Variants in FHOD3 observed in about 807,000 individuals in gnomAD.
FHOD3 encodes formin homology 2 domain containing 3.
FHOD3 carries 90 observed loss-of-function variants against 173.0 expected under a neutral mutation model. That is an observed-to-expected ratio of 0.52 (90% CI 0.44 to 0.62). The LOEUF is 0.62. Among genes scored for constraint, FHOD3 ranks in the 20% least tolerant of loss-of-function variants. The probability of loss-of-function intolerance (pLI) is 0.00; values close to 1 mark genes in which losing one functional copy is unlikely to be tolerated. For missense variants in FHOD3, 1,945 were observed against 2,034.7 expected (o/e 0.96, Z 0.85); for synonymous variants, 828 against 823.0 (o/e 1.01, Z -0.10).
intron 17 of FHOD3, among the ~76,000 whole-genome samples, chr18:36,697,320 T>C (rs911813899): frequency 1.3e-5 from 2 of 152,192 alleles, no homozygotes; most frequent in African/African-American, 4.8e-5. Flanking sequence ...TTGCTCCCTC[T>C]TGTAAACGAG....
intron 17 of FHOD3, among the ~76,000 whole-genome samples, chr18:36,700,100 G>A (rs771736340): frequency 6.6e-6 from 1 of 152,076 alleles, no homozygotes; most frequent in Non-Finnish European, 1.5e-5. Flanking sequence ...TTCACTACGT[G>A]GTGGGTTTTT....
chr18:36,717,329 G>A (rs1483833920), intron 18 of FHOD3, among the ~76,000 whole-genome samples: 1 of 152,140 alleles, frequency 6.6e-6, no homozygotes, highest in Non-Finnish European at 1.5e-5. Flanking sequence ...ACCGTGATAA[G>A]GAGTGAACCT....
At chr18:36,580,547 G>C (rs1412676970) in intron 6 of FHOD3, among the ~76,000 whole-genome samples, 3 of 152,210 alleles carry the variant, frequency 2.0e-5, no homozygotes, top group Admixed American at 2.0e-4. Context: ...GGTGTGCTCT[G>C]TTCTAGGCGA....
At chr18:36,504,485 C>T (rs994281490) in intron 4 of FHOD3, among the ~76,000 whole-genome samples, 12 of 151,922 alleles carry the variant, frequency 7.9e-5, no homozygotes, top group African/African-American at 2.7e-4. Flanking sequence ...AGTAAACTAT[C>T]GCAAGGACAA....
At chr18:36,774,957 G>T (rs2043559250) in intron 28 of FHOD3, among the ~76,000 whole-genome samples, 1 of 152,174 alleles carries the variant, frequency 6.6e-6, no homozygotes, top group Non-Finnish European at 1.5e-5. Context: ...ATTTGGGAAG[G>T]CTGTGCATAT....
intron 7 of FHOD3, among the ~76,000 whole-genome samples, chr18:36,598,576 G>A (rs564660779): frequency 1.3e-5 from 2 of 151,596 alleles, no homozygotes; most frequent in South Asian, 2.1e-4. Context: ...TTTTTTAGAC[G>A]GAGTCTTGCT....
chr18:36,586,404 A>T (rs1462889796), intron 6 of FHOD3, among the ~76,000 whole-genome samples: 1 of 152,188 alleles, frequency 6.6e-6, no homozygotes, highest in African/African-American at 2.4e-5. Flanking sequence ...CATTCTGCAT[A>T]TACTATCAAG....
chr18:36,703,457 C>T (rs1330580447), intron 17 of FHOD3, among the ~76,000 whole-genome samples: 1 of 152,154 alleles, frequency 6.6e-6, no homozygotes, highest in Non-Finnish European at 1.5e-5. Context: ...CTTAACCTCT[C>T]TGAACATGTT....
At chr18:36,677,344 G>C (rs1418381030) in intron 14 of FHOD3, among the ~76,000 whole-genome samples, 6 of 152,160 alleles carry the variant, frequency 3.9e-5, no homozygotes, top group African/African-American at 7.2e-5. Context: ...GTAGAGACAG[G>C]CTTCTCCACG....
intron 8 of FHOD3, among the ~76,000 whole-genome samples, chr18:36,603,191 G>T (rs1693556505): frequency 6.6e-6 from 1 of 152,090 alleles, no homozygotes; most frequent in Non-Finnish European, 1.5e-5. Flanking sequence ...CCTAGTTTGT[G>T]GTACTTTCTT....
chr18:36,394,290 A>C (rs1339167072), intron 3 of FHOD3, among the ~76,000 whole-genome samples: 2 of 152,236 alleles, frequency 1.3e-5, no homozygotes, highest in East Asian at 3.9e-4. Context: ...CATCGTGTAG[A>C]CAGTCTTCAC....
At position 36,780,132 on chromosome 18, in the gene FHOD3, C is replaced by G. The variant is rs1359138746; in HGVS notation, c.*602C>G. On this transcript the variant is annotated 3_prime_UTR_variant, in exon 29 of 29. Transcript: ENST00000590592. ...GGCTCGCCTCTTCAGAATGGCAAAA[C>G]TCTTCTCAGTGTCCTCAGAAGCACC... 1 of 1,232,000 alleles carries G rather than the reference C, an allele frequency of 8.1e-7. No individual in the cohort carries two copies. The highest frequency in any genetic ancestry group is 3.2e-5 in the East Asian group (1 of 31,726). The allele number at this position is 1,232,000 out of a possible 1,614,324, so 76.3% of individuals were successfully genotyped here.
At chr18:36,648,346 A>G (rs951393864) in intron 10 of FHOD3, among the ~76,000 whole-genome samples, 19 of 152,218 alleles carry the variant, frequency 1.2e-4, no homozygotes, top group African/African-American at 4.3e-4. Context: ...CCAGCAGGGC[A>G]TTGAACAGGT....
chr18:36,663,691 G>C (rs1207946100), intron 14 of FHOD3, among the ~76,000 whole-genome samples: 1 of 152,230 alleles, frequency 6.6e-6, no homozygotes, highest in Non-Finnish European at 1.5e-5. Flanking sequence ...TCTCCACCAT[G>C]TTTATGGAGA....
chr18:36,545,731 G>A (rs564798755), intron 5 of FHOD3, among the ~76,000 whole-genome samples: 1 of 152,330 alleles, frequency 6.6e-6, no homozygotes, highest in Non-Finnish European at 1.5e-5. Context: ...GTGGAAAGTA[G>A]ACATTTGAAC....
At chr18:36,735,748 C>T (rs12604388) in intron 20 of FHOD3, among the ~76,000 whole-genome samples, 54,488 of 152,036 alleles carry the variant, frequency 0.36, 10,040 homozygotes, top group African/African-American at 0.45. Flanking sequence ...CTCAGGGCTT[C>T]AACTTTCAAC....
At position 36,652,637 on chromosome 18, in the gene FHOD3, C is replaced by G; in HGVS notation, c.1354C>G (p.Pro452Ala). Reference protein sequence around the residue: ...RDAAPKSSALPAVSNASSQGK... With the variant: ...RDAAPKSSALAAVSNASSQGK... Reference sequence around the variant, plus strand: ...TGCTGCTCCCAAGAGCTCTGCCCTCCCTGCTGTCTCGAATGCCAGCTCGCA... The same window carrying G: ...TGCTGCTCCCAAGAGCTCTGCCCTCGCTGCTGTCTCGAATGCCAGCTCGCA... The change falls in exon 12 of 29, where the codon CCT becomes GCT. Residue 452 changes from proline (P) to alanine (A), a missense_variant. By Grantham distance (27) the Pro-to-Ala change is conservative (BLOSUM62 -1). This residue lies in a region of FHOD3 where 1,099 missense variants were observed against 1,051.2 expected (regional missense o/e 1.05). Transcript: ENST00000590592. 1 of 1,535,472 alleles carries G rather than the reference C, an allele frequency of 6.5e-7. No individual in the cohort carries two copies. The highest frequency in any genetic ancestry group is 8.7e-7 in the Non-Finnish European group (1 of 1,146,692).
intron 1 of FHOD3, among the ~76,000 whole-genome samples, chr18:36,344,507 G>GGAA (rs886189037): frequency 1.4e-3 from 211 of 152,190 alleles, no homozygotes; most frequent in African/African-American, 5.0e-3. Flanking sequence ...TGCTCAGTCA[G>GGAA]GAAGGCATAT....
chr18:36,636,325 C>T (rs761947917), intron 10 of FHOD3, among the ~76,000 whole-genome samples: 1 of 152,134 alleles, frequency 6.6e-6, no homozygotes, highest in Non-Finnish European at 1.5e-5. Flanking sequence ...GAGTACTAAG[C>T]TGGGTTGATC....
Sources: allele counts gnomAD v4.1 joint callset (sites outside exome capture counted in the v4.1 genomes callset), GRCh38; gene constraint gnomAD v4.1.1; regional missense constraint gnomAD v4.1.1; transcripts MANE v1.5; gene names NCBI Gene and HGNC (gene_info 2026-07-23, HGNC 2026-07-21).